ARHGAP24: variants seen among roughly 807,000 people sequenced by gnomAD.
ARHGAP24 encodes Rho GTPase activating protein 24, also known as rho GTPase-activating protein 24.
A neutral mutation model predicts 76.4 loss-of-function variants in ARHGAP24; 50 were observed. The ratio of observed to expected loss-of-function variants is 0.65; its 90% CI spans 0.52 to 0.83. The LOEUF (loss-of-function observed/expected upper bound fraction) is 0.83. Ranked by LOEUF, ARHGAP24 falls within the 40% of genes least tolerant of loss-of-function variation. ARHGAP24 has a pLI of 0.00. For missense variants in ARHGAP24, 930 were observed against 914.2 expected (o/e 1.02, Z -0.22); for synonymous variants, 345 against 323.3 (o/e 1.07, Z -0.72).
intron 3 of ARHGAP24, among the ~76,000 whole-genome samples, chr4:85,754,981 A>G (rs1238791170): frequency 1.3e-5 from 2 of 152,214 alleles, no homozygotes; most frequent in African/African-American, 4.8e-5. Flanking sequence ...GTAGCTAAAA[A>G]GTGCTATTCA....
chr4:85,745,160 C>T (rs560614755), intron 3 of ARHGAP24, among the ~76,000 whole-genome samples: 28 of 151,820 alleles, frequency 1.8e-4, no homozygotes, highest in African/African-American at 3.1e-4. Flanking sequence ...AACCAGCGGC[C>T]GGGAATGGTG....
intron 2 of ARHGAP24, among the ~76,000 whole-genome samples, chr4:85,699,717 T>C (rs916844657): frequency 2.6e-5 from 4 of 152,128 alleles, no homozygotes; most frequent in Non-Finnish European, 5.9e-5. Context: ...CTCTACTGTT[T>C]TTTCTTTTCT....
intron 3 of ARHGAP24, among the ~76,000 whole-genome samples, chr4:85,863,201 G>A (rs1250917338): frequency 6.6e-6 from 1 of 151,914 alleles, no homozygotes; most frequent in African/African-American, 2.4e-5. Context: ...CCTTCACTCA[G>A]AGCTACTTCT....
chr4:85,647,734 A>G (rs1276419008), intron 2 of ARHGAP24, among the ~76,000 whole-genome samples: 1 of 152,134 alleles, frequency 6.6e-6, no homozygotes, highest in Non-Finnish European at 1.5e-5. Context: ...CAAATGTCAA[A>G]CATCAGTGGT....
chr4:85,508,831 A>G (rs891465704), intron 1 of ARHGAP24, among the ~76,000 whole-genome samples: 1 of 151,986 alleles, frequency 6.6e-6, no homozygotes, highest in African/African-American at 2.4e-5. Context: ...GTTCTAACCT[A>G]TAGGCCTAGT....
intron 2 of ARHGAP24, among the ~76,000 whole-genome samples, chr4:85,652,313 C>T (rs999863566): frequency 2.0e-5 from 3 of 152,044 alleles, no homozygotes; most frequent in Non-Finnish European, 4.4e-5. Context: ...TTTCTACTAC[C>T]GTATTGTCTC....
chr4:85,980,847 A>G (rs1739619870), intron 8 of ARHGAP24, among the ~76,000 whole-genome samples: 1 of 152,214 alleles, frequency 6.6e-6, no homozygotes. Flanking sequence ...ATTTGCACAG[A>G]TGGTGCTAAA....
At chr4:85,507,024 A>G (rs1028912464) in intron 1 of ARHGAP24, among the ~76,000 whole-genome samples, 1 of 152,188 alleles carries the variant, frequency 6.6e-6, no homozygotes, top group Non-Finnish European at 1.5e-5. Context: ...TCAGGAATTC[A>G]GTGGAAAGCT....
At chr4:85,787,049 T>A (rs79900527) in intron 3 of ARHGAP24, among the ~76,000 whole-genome samples, 5,388 of 152,288 alleles carry the variant, frequency 0.035, 115 homozygotes, top group East Asian at 0.091. Context: ...GAGCACAGTG[T>A]TTCACCCACA....
intron 8 of ARHGAP24, among the ~76,000 whole-genome samples, chr4:85,987,246 T>A (rs893684177): frequency 2.0e-5 from 3 of 152,264 alleles, no homozygotes; most frequent in Non-Finnish European, 2.9e-5. Context: ...TTCTGCTCAA[T>A]TTTTCTGTAC....
chr4:85,882,043 T>G (rs72970086), intron 3 of ARHGAP24, among the ~76,000 whole-genome samples: 2 of 152,166 alleles, frequency 1.3e-5, no homozygotes, highest in Non-Finnish European at 2.9e-5. Context: ...ATTTGGAATT[T>G]GATGGGGGAA....
intron 3 of ARHGAP24, among the ~76,000 whole-genome samples, chr4:85,887,194 G>A (rs1733611214): frequency 6.6e-6 from 1 of 152,034 alleles, no homozygotes; most frequent in South Asian, 2.1e-4. Flanking sequence ...TTTAATAATT[G>A]TTTTTCATTA....
intron 2 of ARHGAP24, among the ~76,000 whole-genome samples, chr4:85,669,922 C>G (rs968537269): frequency 6.6e-6 from 1 of 151,868 alleles, no homozygotes; most frequent in African/African-American, 2.4e-5. Flanking sequence ...TGGGTAGGAA[C>G]ATGTGTCAAC....
intron 3 of ARHGAP24, among the ~76,000 whole-genome samples, chr4:85,802,022 G>A (rs1560640588): frequency 6.6e-6 from 1 of 152,240 alleles, no homozygotes; most frequent in Non-Finnish European, 1.5e-5. Context: ...AATGTGCCGT[G>A]TATGTAACAA....
At position 85,811,670 on chromosome 4, in the gene ARHGAP24, T is replaced by C. The variant is rs543020459; in HGVS notation, c.268+89698T>C. On this transcript the variant is annotated intron_variant, in intron 3 of 9. Coordinates refer to ENST00000395184, the MANE Select transcript of ARHGAP24 (RefSeq NM_001025616.3). Reference sequence around the variant, plus strand: ...ATACAATCCCAACTCAGAGTAATTATTTATAGATTGGAGAAAGTCTTCACA... The same window carrying C: ...ATACAATCCCAACTCAGAGTAATTACTTATAGATTGGAGAAAGTCTTCACA... Among the ~76,000 whole-genome samples the C allele has an allele frequency of 3.2e-4, 49 of 152,360 alleles. 1 individual carries two copies. The East Asian group carries it at 8.7e-3, about 27-fold the overall frequency.
rs11930526 is a variant in ARHGAP24 at position 85,813,252 on chromosome 4, G to A, written c.268+91280G>A. 9.9e-3 allele frequency among the ~76,000 whole-genome samples: 1,501 copies of A among 152,226 alleles called. 28 individuals carry two copies. The highest frequency in any genetic ancestry group is 0.034 in the African/African-American group (1,406 of 41,524). ...CAGCATTCACATAGGAGGTGTGCAC[G>A]GGAGCAACAGGGAAGCAGTTCATTT... On this transcript the variant is annotated intron_variant, in intron 3 of 9. Transcript: ENST00000395184.
chr4:85,871,130 T>G (rs1732502714), intron 3 of ARHGAP24, among the ~76,000 whole-genome samples: 1 of 152,126 alleles, frequency 6.6e-6, no homozygotes, highest in African/African-American at 2.4e-5. Context: ...ATAATTCTAT[T>G]ATACAGTCTT....
intron 5 of ARHGAP24, among the ~76,000 whole-genome samples, chr4:85,955,011 A>C (rs1416033777): frequency 6.7e-6 from 1 of 148,944 alleles, no homozygotes; most frequent in Non-Finnish European, 1.5e-5. Flanking sequence ...ACTCTGTCTC[A>C]AAAATAAATA....
intron 2 of ARHGAP24, among the ~76,000 whole-genome samples, chr4:85,669,674 T>TATAC (rs1299533180): frequency 4.2e-5 from 4 of 94,952 alleles, no homozygotes; most frequent in African/African-American, 7.2e-5. Context: ...TATATATATA[T>TATAC]ATATATATAT....
Sources: allele counts gnomAD v4.1 joint callset (sites outside exome capture counted in the v4.1 genomes callset), GRCh38; gene constraint gnomAD v4.1.1; transcripts MANE v1.5; gene names NCBI Gene and HGNC (gene_info 2026-07-23, HGNC 2026-07-21).